The following SNED1 variants were observed in gnomAD, a reference collection of about 807,000 sequenced individuals.
SNED1 encodes sushi, nidogen and EGF like domains 1, also known as sushi, nidogen and EGF-like domain-containing protein 1.
Under a neutral mutation model 166.7 loss-of-function variants are expected in SNED1, and 81 were observed. The observed-to-expected ratio is 0.49, with a 90% confidence interval of 0.41 to 0.58. The LOEUF is 0.58. Ranked by LOEUF, SNED1 falls within the 20% of genes least tolerant of loss-of-function variation. The pLI, the probability that SNED1 is intolerant of heterozygous loss-of-function variation, is 0.00. For synonymous variants in SNED1, 762 were observed against 822.0 expected, an observed-to-expected ratio of 0.93 and a Z score of 1.25; for missense variants, 1,604 against 2,000.2, an observed-to-expected ratio of 0.80 and a Z score of 3.78.
intron 1 of SNED1, among the ~76,000 whole-genome samples, chr2:241,008,429 C>T (rs541333802): frequency 2.6e-4 from 40 of 152,376 alleles, no homozygotes; most frequent in African/African-American, 8.4e-4. Flanking sequence ...GCACTCCTTG[C>T]ACTCCTTCTG....
At chr2:241,082,723 C>T (rs146012783) in intron 29 of SNED1, among the ~76,000 whole-genome samples, 1 of 152,342 alleles carries the variant, frequency 6.6e-6, no homozygotes, top group African/African-American at 2.4e-5. Context: ...GAAAAACAAA[C>T]AGCTCATGAG....
chr2:241,067,318 A>C (rs2062496958), intron 21 of SNED1, among the ~76,000 whole-genome samples: 1 of 152,214 alleles, frequency 6.6e-6, no homozygotes, highest in South Asian at 2.1e-4. Context: ...CCTTCCCTGC[A>C]GTTGCTGGGA....
At chr2:241,089,336 T>C (rs1183531183) in intron 31 of SNED1, 7 of 1,550,526 alleles carry the variant, frequency 4.5e-6, no homozygotes, top group Non-Finnish European at 6.1e-6. Flanking sequence ...AACAAGCCAC[T>C]TCAAAACAGG....
rs893690554 is a variant in SNED1, at chr2:241,073,579, G to A, written c.3916+215G>A. 1 of 601,028 alleles carries A rather than the reference G, an allele frequency of 1.7e-6. No individual in the cohort carries two copies. Among genetic ancestry groups the A allele is most frequent in the South Asian group, 2.0e-5 (1 of 49,972 alleles). 37.2% of individuals were successfully genotyped at this position (601,028 alleles called of 1,614,324 possible). ...CCCACAGACGGGAACAGGCCAGGGG[G>A]CAGGACCCACCCAAACCACCCAGAG... On this transcript the variant is annotated intron_variant, in intron 27 of 31. Transcript: ENST00000310397. This position sits in a 1 kb window ranked among gnomAD's most constrained non-coding sequence, Gnocchi z 6.6.
intron 1 of SNED1, among the ~76,000 whole-genome samples, chr2:241,004,163 G>T (rs1430932064): frequency 6.6e-6 from 1 of 152,220 alleles, no homozygotes; most frequent in Non-Finnish European, 1.5e-5. Context: ...GATGTATATA[G>T]GTAGTGGGCA....
In SNED1 at chr2:241,005,297, G is replaced by A. The variant is rs145697947; in HGVS notation, c.213+6247G>A. 2.4e-3 allele frequency among the ~76,000 whole-genome samples: 362 copies of A among 152,020 alleles called. 2 individuals are homozygous for A. Among genetic ancestry groups the A allele is most frequent in the African/African-American group, 7.9e-3 (329 of 41,498 alleles). On this transcript the variant is annotated intron_variant, in intron 1 of 31. Coordinates refer to ENST00000310397, the MANE Select transcript of SNED1 (RefSeq NM_001080437.3). Reference sequence around the variant, plus strand: ...CAGCTCACTGCAACCTCTGCCTCCCGGGTTCAAATGATTCTCCTGCCTCAG... The same window carrying A: ...CAGCTCACTGCAACCTCTGCCTCCCAGGTTCAAATGATTCTCCTGCCTCAG...
rs550276299 is a variant in SNED1 at position 241,035,260 on chromosome 2, G to A, written c.805+530G>A. ...TGCCAGCGGGCTTGCTGCTTGGTGG[G>A]ATTTGGTGACTGCTTGACAAACCCA... On this transcript the variant is annotated intron_variant, in intron 4 of 31. Coordinates refer to ENST00000310397, the MANE Select transcript of SNED1 (RefSeq NM_001080437.3). Among the ~76,000 whole-genome samples the A allele has an allele frequency of 3.3e-5, 5 of 152,240 alleles. No homozygotes were observed. In the South Asian group the frequency reaches 1.0e-3, roughly 32 times the overall value.
intron 16 of SNED1, among the ~76,000 whole-genome samples, chr2:241,060,349 A>C (rs1367989267): frequency 6.6e-6 from 1 of 152,100 alleles, no homozygotes; most frequent in African/African-American, 2.4e-5. Flanking sequence ...TACCCAGCTA[A>C]TTTTTGTATT....
rs1162333624 is a variant in SNED1 at position 241,053,188 on chromosome 2, G to A, written c.2119G>A (p.Ala707Thr). Residue 707 changes from alanine to threonine, a missense_variant, in exon 16 of 32, where the codon GCC becomes ACC. Physicochemically the swap from Ala to Thr is moderately conservative, Grantham distance 58. Around this residue, in one of 2 missense-constraint regions of SNED1, gnomAD observed 1,237 missense variants for 1,620.8 expected, o/e 0.76. Coordinates refer to ENST00000310397, the MANE Select transcript of SNED1 (RefSeq NM_001080437.3). ...DCGPPEEVKH[A>T]TLRFNGTRLG... ...CGGCCCCCCGGAGGAGGTGAAGCACGCCACACTGCGCTTCAACGGCACGCG... is the reference window on the plus strand; with the variant it reads ...CGGCCCCCCGGAGGAGGTGAAGCACACCACACTGCGCTTCAACGGCACGCG... 6.2e-6 allele frequency: 10 copies of A among 1,610,976 alleles called. No homozygotes were observed. Among genetic ancestry groups the A allele is most frequent in the Non-Finnish European group, 8.5e-6 (10 of 1,179,430 alleles).
chr2:241,037,079 A>G, intron 5 of SNED1, 161 bp from the exon 6 acceptor site: 1 of 1,027,108 alleles, frequency 9.7e-7, no homozygotes. Flanking sequence ...ACCAAAGGCC[A>G]TGGCCCCCTG....
At position 241,069,119 on chromosome 2, in the gene SNED1, C is replaced by A; in HGVS notation, c.3307+96C>A. ...CCCCTAGTCCTCTCCAAAGCGTCCA[C>A]AACACCAGAAACCCAGCCCCTGGCC... On this transcript the variant is annotated intron_variant, in intron 23 of 31. Coordinates refer to ENST00000310397, the MANE Select transcript of SNED1 (RefSeq NM_001080437.3). This position sits in a 1 kb window ranked among gnomAD's most constrained non-coding sequence, Gnocchi z 4.9. 2 of 807,070 alleles carry A rather than the reference C, an allele frequency of 2.5e-6. No homozygotes were observed. The highest frequency in any genetic ancestry group is 2.9e-5 in the Admixed American group (1 of 34,796). The allele number at this position is 807,070 out of a possible 1,614,324, so 50.0% of individuals were successfully genotyped here.
intron 1 of SNED1, among the ~76,000 whole-genome samples, chr2:241,006,748 A>G (rs542840918): frequency 6.6e-6 from 1 of 152,344 alleles, no homozygotes; most frequent in African/African-American, 2.4e-5. Context: ...ATAATACCTC[A>G]ATAGCAGAGG....
chr2:241,071,724 C>T lies in SNED1; in HGVS notation c.3734+4C>T. ...AGACCCCCACCCAGCCCCCCAGGTACATGCCCCACCCATCGGCCCCATCGC... is the reference window on the plus strand; with the variant it reads ...AGACCCCCACCCAGCCCCCCAGGTATATGCCCCACCCATCGGCCCCATCGC... On this transcript the variant is annotated splice_donor_region_variant and intron_variant, in intron 25 of 31. Coordinates refer to ENST00000310397, the MANE Select transcript of SNED1 (RefSeq NM_001080437.3). 2 of 1,319,786 alleles carry T rather than the reference C, an allele frequency of 1.5e-6. No individual in the cohort carries two copies. The highest frequency in any genetic ancestry group is 1.3e-5 in the South Asian group (1 of 78,914). 81.8% of individuals were successfully genotyped at this position (1,319,786 alleles called of 1,614,324 possible).
At chr2:241,062,996 G>A (rs2125178243) in intron 17 of SNED1, 92 bp downstream of exon 17, 1 of 800,320 alleles carries the variant, frequency 1.2e-6, no homozygotes, top group East Asian at 2.7e-5. Context: ...TCTCTGTCTG[G>A]ATGGCCAGGG....
Position 241,075,415 on chromosome 2 carries a change from C to T in SNED1, c.3916+2051C>T, listed in dbSNP as rs114007105. On this transcript the variant is annotated intron_variant, in intron 27 of 31. Coordinates refer to ENST00000310397, the MANE Select transcript of SNED1 (RefSeq NM_001080437.3). This position sits in a 1 kb window ranked among gnomAD's most constrained non-coding sequence, Gnocchi z 4.8. ...GGGTTTGCAGATCCTACAGGCAGAA[C>T]GGGTGGGATGCACACCCCTGGGATC... 2.5e-3 allele frequency: 385 copies of T among 152,290 alleles called. No homozygotes were observed. The highest frequency in any genetic ancestry group is 4.3e-3 in the Non-Finnish European group (292 of 68,042). 9.4% of individuals were successfully genotyped at this position (152,290 alleles called of 1,614,324 possible).
intron 1 of SNED1, among the ~76,000 whole-genome samples, chr2:241,007,215 G>A (rs1044523147): frequency 6.6e-6 from 1 of 152,192 alleles, no homozygotes; most frequent in African/African-American, 2.4e-5. Context: ...AGGGTCATGA[G>A]GTCTACAGCT....
At chr2:241,087,726 T>C in intron 30 of SNED1, 1 of 1,339,256 alleles carries the variant, frequency 7.5e-7, no homozygotes, top group South Asian at 2.1e-5. Context: ...TTATGCATAT[T>C]CACACAGAAC....
At chr2:241,052,241 G>C in intron 14 of SNED1, 84 bp downstream of exon 14, 1 of 1,471,774 alleles carries the variant, frequency 6.8e-7, no homozygotes, top group South Asian at 1.1e-5. Flanking sequence ...GGCAGGGCTG[G>C]TCCAGGCCCT....
intron 1 of SNED1, chr2:241,010,132 C>T (rs572786034): frequency 3.9e-5 from 6 of 152,370 alleles, no homozygotes; most frequent in African/African-American, 9.6e-5. Context: ...ACCGCAGAGC[C>T]GCCCTTTGTG....
Sources: gnomAD v4.1 joint callset for allele counts (sites outside exome capture counted in the v4.1 genomes callset) on GRCh38, gnomAD v4.1.1 for gene constraint, gnomAD v4.1.1 regional missense constraint, Gnocchi (gnomAD v3.1) non-coding constraint, MANE v1.5 for transcripts, NCBI Gene and HGNC (gene_info 2026-07-23, HGNC 2026-07-21) for gene names.